PITX3: variants seen among roughly 807,000 people sequenced by gnomAD.
PITX3 encodes paired like homeodomain 3, also known as pituitary homeobox 3.
In PITX3, 4 loss-of-function variants were observed where a neutral mutation model predicts 14.2. The ratio of observed to expected loss-of-function variants is 0.28; its 90% confidence interval spans 0.14 to 0.65. PITX3 has a LOEUF of 0.65. Ranked by LOEUF, PITX3 falls within the 30% of genes least tolerant of loss-of-function variation. The probability of loss-of-function intolerance (pLI) is 0.82; values close to 1 mark genes in which losing one functional copy is unlikely to be tolerated. For synonymous variants in PITX3, 194 were observed against 204.5 expected, an observed-to-expected ratio of 0.95 and a Z score of 0.44; for missense variants, 358 against 426.8, an observed-to-expected ratio of 0.84 and a Z score of 1.42.
At position 102,232,020 on chromosome 10, in the gene PITX3, C is replaced by G; in HGVS notation, c.61G>C (p.Ala21Pro). 2 of 1,608,780 alleles carry G rather than the reference C, an allele frequency of 1.2e-6. No homozygotes were observed. The highest frequency in any genetic ancestry group is 1.1e-5 in the South Asian group (1 of 90,798). The change falls in exon 2 of 4, where the codon GCT becomes CCT. Residue 21 changes from alanine to proline, a missense_variant. Around this residue, in one of 3 missense-constraint regions of PITX3, gnomAD observed 72 missense variants for 79.9 expected, o/e 0.90. Transcript: ENST00000370002. ...ARSPALSLSD[A>P]GTPHPQLPEH... is the part of the protein sequence containing the mutation. ...GGGAGCTGGGGGTGCGGAGTGCCAG[C>G]GTCTGACAGCGACAGGGCAGGGCTC...
At position 102,231,574 on chromosome 10, in the gene PITX3, T is replaced by G. The variant is rs781010308; in HGVS notation, c.321+14A>C. 6.8e-5 allele frequency: 106 copies of G among 1,551,604 alleles called. No individual in the cohort carries two copies. Among genetic ancestry groups the G allele is most frequent in the Admixed American group, 7.3e-5 (4 of 55,152 alleles). On this transcript the variant is annotated intron_variant, in intron 3 of 3. Transcript: ENST00000370002. ...GGCCCGCGCGGGTGCGAGTCGCGGG[T>G]CTGGAGAGCATACCCGCACGCGGGC...
intron 3 of PITX3, 88 bp downstream of exon 3, chr10:102,231,500 G>A (rs560274900): frequency 4.1e-4 from 353 of 854,158 alleles, no homozygotes; most frequent in Non-Finnish European, 6.0e-4. Flanking sequence ...GAGGGAGGGG[G>A]CAGGTGGGGT....
At position 102,231,570 on chromosome 10, in the gene PITX3, C is replaced by G. The variant is rs570792964; in HGVS notation, c.321+18G>C. 1 of 1,534,394 alleles carries G rather than the reference C, an allele frequency of 6.5e-7. No homozygotes were observed. The highest frequency in any genetic ancestry group is 8.9e-7 in the Non-Finnish European group (1 of 1,123,940). ...GGAGGGCCCGCGCGGGTGCGAGTCGCGGGTCTGGAGAGCATACCCGCACGC... is the reference window on the plus strand; with the variant it reads ...GGAGGGCCCGCGCGGGTGCGAGTCGGGGGTCTGGAGAGCATACCCGCACGC... On this transcript the variant is annotated intron_variant, in intron 3 of 3. Transcript: ENST00000370002.
At chr10:102,238,288 A>G (rs2070453453) in intron 1 of PITX3, among the ~76,000 whole-genome samples, 1 of 152,210 alleles carries the variant, frequency 6.6e-6, no homozygotes, top group Admixed American at 6.5e-5. Context: ...ATGGAGAAGA[A>G]AAGATTCTAC....
At chr10:102,235,680 T>C (rs989626560) in intron 1 of PITX3, among the ~76,000 whole-genome samples, 1 of 152,168 alleles carries the variant, frequency 6.6e-6, no homozygotes, top group African/African-American at 2.4e-5. Flanking sequence ...GAGCTGGGCA[T>C]TGAGTTAGGC....
rs1385973395 is a variant in PITX3 at position 102,231,006 on chromosome 10, C to T, written c.417G>A (p.Gly139=). The part of the protein sequence containing the change: ...CKGSFAAPLG[G]LVPPYEEVYP... ...ACACCTCCTCGTAGGGCGGCACCAG[C>T]CCCCCGAGCGGCGCCGCGAAGCTGC... The change falls in exon 4 of 4, where the codon GGG becomes GGA. Residue 139 remains glycine (G), a synonymous_variant. Coordinates refer to ENST00000370002, the MANE Select transcript of PITX3 (RefSeq NM_005029.4). 1 of 1,598,742 alleles carries T rather than the reference C, an allele frequency of 6.3e-7. No individual in the cohort carries two copies.
chr10:102,235,778 G>T (rs1055335270), intron 1 of PITX3, among the ~76,000 whole-genome samples: 1 of 152,194 alleles, frequency 6.6e-6, no homozygotes, highest in Non-Finnish European at 1.5e-5. Flanking sequence ...ATCCTCCAGT[G>T]AAGTGTTTCC....
chr10:102,230,845 G>C lies in PITX3; in HGVS notation c.578C>G (p.Ser193Cys), dbSNP rs2070210470. ...GGAGGGCACCATGGAGGCGGCGATGGAGCTGGGTGGCGAGAAGACGGGCTG... is the reference window on the plus strand; with the variant it reads ...GGAGGGCACCATGGAGGCGGCGATGCAGCTGGGTGGCGAGAAGACGGGCTG... ...ASQPVFSPPS[S>C]IAASMVPSAA... The change falls in exon 4 of 4, where the codon TCC (serine) becomes TGC (cysteine). Residue 193 changes from serine to cysteine, a missense_variant. Ser to Cys is a moderately radical substitution (Grantham distance 112). Around this residue, in one of 3 missense-constraint regions of PITX3, gnomAD observed 236 missense variants for 250.2 expected, o/e 0.94. Coordinates refer to ENST00000370002, the MANE Select transcript of PITX3 (RefSeq NM_005029.4). 6.3e-7 allele frequency: 1 copy of C among 1,591,472 alleles called. No homozygotes were observed. Among genetic ancestry groups the C allele is most frequent in the Middle Eastern group, 1.7e-4 (1 of 6,032 alleles).
chr10:102,233,888 G>A (rs910005550), intron 1 of PITX3, among the ~76,000 whole-genome samples: 2 of 152,058 alleles, frequency 1.3e-5, no homozygotes, highest in Non-Finnish European at 2.9e-5. Context: ...AGTTTCCCCC[G>A]CAGGGTCCCC....
chr10:102,232,182 G>A (rs2070264417), intron 1 of PITX3, 90 bp from the exon 2 acceptor site: 1 of 756,066 alleles, frequency 1.3e-6, no homozygotes, highest in Admixed American at 2.0e-5. Context: ...TAAATTCCCT[G>A]GCGCCTTTCT....
chr10:102,235,172 ACCC>A (rs777123799), intron 1 of PITX3, among the ~76,000 whole-genome samples: 163 of 76,994 alleles, frequency 2.1e-3, no homozygotes, highest in African/African-American at 3.0e-3. Context: ...CCCTTCCCCC[ACCC>A]CCCACCCCCC....
In PITX3 at chr10:102,230,694, G is replaced by A. The variant is rs760077223; in HGVS notation, c.729C>T (p.Ala243=). The A allele has an allele frequency of 1.2e-5, 18 of 1,564,180 alleles. No homozygotes were observed. The South Asian group carries it at 2.1e-4, about 18-fold the overall frequency. Reference sequence around the variant, plus strand: ...AAGAGGCGGCAGCCGCGGCGGCGGCGGCGGCCGAGGCATAAGGGCAGGACA... The same window carrying A: ...AAGAGGCGGCAGCCGCGGCGGCGGCAGCGGCCGAGGCATAAGGGCAGGACA... ...GAVSCPYASA[A]AAAAAAASSP... The change falls in exon 4 of 4, where the codon GCC becomes GCT. Residue 243 remains alanine, a synonymous_variant. Transcript: ENST00000370002.
At position 102,230,510 on chromosome 10, in the gene PITX3, C is replaced by T. The variant is rs750919532; in HGVS notation, c.*4G>A. ...CCTCGGGGATGATCTACGGGCGGGG[C>T]CGCTCATACGGGCCTTTCCACGGCG... On this transcript the variant is annotated 3_prime_UTR_variant, in exon 4 of 4. Transcript: ENST00000370002. 5 of 1,604,902 alleles carry T rather than the reference C, an allele frequency of 3.1e-6. No homozygotes were observed. Among genetic ancestry groups the T allele is most frequent in the East Asian group, 2.2e-5 (1 of 44,532 alleles).
chr10:102,236,076 G>A (rs1297025812), intron 1 of PITX3, among the ~76,000 whole-genome samples: 1 of 152,184 alleles, frequency 6.6e-6, no homozygotes, highest in Non-Finnish European at 1.5e-5. Flanking sequence ...AGGCAATAGA[G>A]AGATGGAAGG....
In PITX3 at chr10:102,237,270, C is replaced by T. The variant is rs1343357416; in HGVS notation, c.-13+4063G>A. On this transcript the variant is annotated intron_variant, in intron 1 of 3. Transcript: ENST00000370002. ...AGAGGGAAGCCCATGGAAGGTGGTACCGAGTGTTGGGAGCTCAGAGAATAT... is the reference window on the plus strand; with the variant it reads ...AGAGGGAAGCCCATGGAAGGTGGTATCGAGTGTTGGGAGCTCAGAGAATAT... 3.3e-5 allele frequency among the ~76,000 whole-genome samples: 5 copies of T among 152,116 alleles called. No homozygotes were observed. The South Asian group carries it at 1.0e-3, about 32-fold the overall frequency.
At chr10:102,232,221 T>C (rs1348666361) in intron 1 of PITX3, 129 bp from the exon 2 acceptor site, 8 of 653,344 alleles carry the variant, frequency 1.2e-5, no homozygotes, top group Non-Finnish European at 2.2e-5. Flanking sequence ...TGGGGCTGCG[T>C]GGGGCTCCTT....
chr10:102,232,046 C>T lies in PITX3; in HGVS notation c.35G>A (p.Arg12Gln), dbSNP rs376259390. 19 of 1,604,362 alleles carry T rather than the reference C, an allele frequency of 1.2e-5. No homozygotes were observed. The highest frequency in any genetic ancestry group is 1.7e-5 in the Admixed American group (1 of 59,290). ...EFGLLSEAEA[R>Q]SPALSLSDAG... ...GTCTGACAGCGACAGGGCAGGGCTC[C>T]GGGCCTCTGCCTCGCTGAGCAGGCC... The change falls in exon 2 of 4, where the codon CGG becomes CAG. Residue 12 changes from arginine to glutamine, a missense_variant. Arg to Gln is a conservative substitution (Grantham distance 43, BLOSUM62 1). Coordinates refer to ENST00000370002, the MANE Select transcript of PITX3 (RefSeq NM_005029.4).
chr10:102,231,934 C>T, intron 2 of PITX3, 29 bp downstream of exon 2: 3 of 1,580,528 alleles, frequency 1.9e-6, no homozygotes, highest in Non-Finnish European at 2.6e-6. Flanking sequence ...GCTGTTATGT[C>T]CTGCACCCCC....
At chr10:102,231,239 G>A (rs979886236) in intron 3 of PITX3, 138 bp from the exon 4 acceptor site, 1 of 885,864 alleles carries the variant, frequency 1.1e-6, no homozygotes, top group Non-Finnish European at 1.7e-6. Flanking sequence ...GGGTGGGAGG[G>A]AAGGAGCGCA....
Sources: allele counts gnomAD v4.1 joint callset (sites outside exome capture counted in the v4.1 genomes callset), GRCh38; gene constraint gnomAD v4.1.1; regional missense constraint gnomAD v4.1.1; transcripts MANE v1.5; gene names NCBI Gene and HGNC (gene_info 2026-07-23, HGNC 2026-07-21).